The following SLC24A2 variants were observed in gnomAD, a reference collection of about 807,000 sequenced individuals.
The protein encoded by SLC24A2 is sodium/potassium/calcium exchanger 2.
In SLC24A2, 36 loss-of-function variants were observed where a neutral mutation model predicts 62.0. That is an observed-to-expected ratio of 0.58 (90% CI 0.44 to 0.77). The LOEUF (loss-of-function observed/expected upper bound fraction) is 0.77. SLC24A2 is among the 30% of genes least tolerant of loss of function. The pLI, the probability that SLC24A2 is intolerant of heterozygous loss-of-function variation, is 0.00. For missense variants in SLC24A2, 846 were observed against 817.9 expected, an observed-to-expected ratio of 1.03 and a Z score of -0.42; for synonymous variants, 358 against 294.0, an observed-to-expected ratio of 1.22 and a Z score of -2.23.
At chr9:19,543,425 A>G (rs894966105) in intron 8 of SLC24A2, among the ~76,000 whole-genome samples, 10 of 139,394 alleles carry the variant, frequency 7.2e-5, no homozygotes, top group African/African-American at 1.3e-4. Context: ...TCATGTCTCT[A>G]TCTCCTTCAG....
the SLC24A2 span, among the ~76,000 whole-genome samples, chr9:20,199,915 G>C: frequency 3.1e-5 from 4 of 130,536 alleles, no homozygotes; most frequent in African/African-American, 1.2e-4. Flanking sequence ...TATTTTTATA[G>C]AGACAGGGTT....
At chr9:19,546,376 T>C (rs764289101) in intron 8 of SLC24A2, among the ~76,000 whole-genome samples, 1 of 152,184 alleles carries the variant, frequency 6.6e-6, no homozygotes, top group Non-Finnish European at 1.5e-5. Flanking sequence ...TTTTCAGTGA[T>C]GCCCTTGCCA....
At chr9:20,020,157 G>A in the SLC24A2 span, among the ~76,000 whole-genome samples, 1 of 152,220 alleles carries the variant, frequency 6.6e-6, no homozygotes, top group African/African-American at 2.4e-5. Context: ...GTGGAAGACA[G>A]TGTGGCTATT....
the SLC24A2 span, among the ~76,000 whole-genome samples, chr9:19,868,308 A>T: frequency 6.6e-6 from 1 of 152,108 alleles, no homozygotes; most frequent in Admixed American, 6.5e-5. Context: ...TGTGAATCTA[A>T]TTTAATTTCA....
At chr9:20,081,382 A>C in the SLC24A2 span, among the ~76,000 whole-genome samples, 2 of 150,928 alleles carry the variant, frequency 1.3e-5, no homozygotes, top group South Asian at 4.2e-4. Flanking sequence ...ACAAAGACAA[A>C]AAACCAAACA....
the SLC24A2 span, among the ~76,000 whole-genome samples, chr9:19,887,579 G>A: frequency 6.6e-6 from 1 of 152,098 alleles, no homozygotes; most frequent in Non-Finnish European, 1.5e-5. Flanking sequence ...GCAGTGAAAA[G>A]GGAACACTTC....
At chr9:20,045,999 G>A in the SLC24A2 span, among the ~76,000 whole-genome samples, 95 of 152,218 alleles carry the variant, frequency 6.2e-4, no homozygotes, top group East Asian at 1.9e-3. Flanking sequence ...CAAAGAACAG[G>A]TCTACTCACC....
At chr9:20,274,759 A>G in the SLC24A2 span, among the ~76,000 whole-genome samples, 1 of 150,742 alleles carries the variant, frequency 6.6e-6, no homozygotes, top group African/African-American at 2.4e-5. Context: ...AGGATAGTGG[A>G]CCATGGCTTC....
the SLC24A2 span, among the ~76,000 whole-genome samples, chr9:19,866,722 C>T: frequency 6.7e-6 from 1 of 148,846 alleles, no homozygotes; most frequent in African/African-American, 2.5e-5. Context: ...CTGCAAGCTC[C>T]GCCTCCCAGG....
At chr9:19,763,761 G>A (rs926715239) in intron 2 of SLC24A2, among the ~76,000 whole-genome samples, 1 of 152,256 alleles carries the variant, frequency 6.6e-6, no homozygotes. Context: ...AGGGATATTG[G>A]CCTGAAATTT....
intron 4 of SLC24A2, among the ~76,000 whole-genome samples, chr9:19,615,948 GATT>G (rs1463867614): frequency 6.6e-6 from 1 of 150,384 alleles, no homozygotes; most frequent in Non-Finnish European, 1.5e-5. Flanking sequence ...GGAACATTTA[GATT>G]ATTGAGACCT....
At chr9:20,076,510 A>G in the SLC24A2 span, among the ~76,000 whole-genome samples, 6 of 152,156 alleles carry the variant, frequency 3.9e-5, no homozygotes, top group Admixed American at 1.3e-4. Context: ...GAGCACCAGT[A>G]AACACCAGAA....
chr9:19,943,332 A>C, the SLC24A2 span, among the ~76,000 whole-genome samples: 1 of 152,158 alleles, frequency 6.6e-6, no homozygotes, highest in Non-Finnish European at 1.5e-5. Context: ...CTCACCCCTA[A>C]TTACTTTCTA....
chr9:19,805,015 G>T, the SLC24A2 span, among the ~76,000 whole-genome samples: 2 of 152,006 alleles, frequency 1.3e-5, no homozygotes, highest in Non-Finnish European at 2.9e-5. Context: ...AACTTTACAA[G>T]AAAGAAATGT....
chr9:19,527,618 G>A (rs921106501), intron 9 of SLC24A2, among the ~76,000 whole-genome samples: 1 of 152,170 alleles, frequency 6.6e-6, no homozygotes, highest in African/African-American at 2.4e-5. Flanking sequence ...CATCATTTAT[G>A]TAAAGTGAAG....
the SLC24A2 span, among the ~76,000 whole-genome samples, chr9:19,823,922 A>T: frequency 6.6e-6 from 1 of 152,226 alleles, no homozygotes; most frequent in African/African-American, 2.4e-5. Context: ...GCAATGGGGA[A>T]ATGATTCCCT....
chr9:19,603,536 T>C (rs933305750), intron 4 of SLC24A2, among the ~76,000 whole-genome samples: 1 of 150,994 alleles, frequency 6.6e-6, no homozygotes, highest in Non-Finnish European at 1.5e-5. Context: ...CTGATGCTTC[T>C]GTAAGCCACA....
intron 6 of SLC24A2, among the ~76,000 whole-genome samples, chr9:19,575,678 C>T (rs1279752160): frequency 1.3e-5 from 2 of 152,204 alleles, no homozygotes; most frequent in Non-Finnish European, 2.9e-5. Context: ...CATTAAGTGT[C>T]CTACCTCCTT....
At chr9:19,671,585 C>T (rs1819417471) in intron 2 of SLC24A2, among the ~76,000 whole-genome samples, 1 of 152,132 alleles carries the variant, frequency 6.6e-6, no homozygotes, top group Non-Finnish European at 1.5e-5. Flanking sequence ...GGTCTCCCAG[C>T]ACCATGTTGA....
Sources: allele counts gnomAD v4.1 joint callset (sites outside exome capture counted in the v4.1 genomes callset), GRCh38; gene constraint gnomAD v4.1.1; transcripts MANE v1.5; gene names NCBI Gene and HGNC (gene_info 2026-07-23, HGNC 2026-07-21).